Variants in NTM observed in about 807,000 individuals in gnomAD.
The protein encoded by NTM is neurotrimin, also known as IgLON family member 2.
NTM carries 13 observed loss-of-function variants against 42.1 expected under a neutral mutation model. The ratio of observed to expected loss-of-function variants is 0.31; its 90% CI spans 0.20 to 0.49. The LOEUF (loss-of-function observed/expected upper bound fraction) is 0.49. NTM is among the 20% of genes least tolerant of loss of function. The probability of loss-of-function intolerance (pLI) is 0.99; values close to 1 mark genes in which losing one functional copy is unlikely to be tolerated. For missense variants in NTM, 373 were observed against 452.8 expected, an observed-to-expected ratio of 0.82 and a Z score of 1.60; for synonymous variants, 187 against 179.2, an observed-to-expected ratio of 1.04 and a Z score of -0.35.
chr11:131,731,562 G>T (rs1006930834), intron 1 of NTM, among the ~76,000 whole-genome samples: 3 of 152,156 alleles, frequency 2.0e-5, no homozygotes, highest in Non-Finnish European at 2.9e-5. Context: ...GACAATAAAG[G>T]TCATGGCCGG....
chr11:132,320,942 C>T (rs1277414894), intron 7 of NTM, among the ~76,000 whole-genome samples: 1 of 151,180 alleles, frequency 6.6e-6, no homozygotes, highest in East Asian at 1.9e-4. Flanking sequence ...GCAGGGTACT[C>T]CAACAGACCT....
At chr11:132,241,898 G>A (rs1018092383) in intron 4 of NTM, among the ~76,000 whole-genome samples, 6 of 152,186 alleles carry the variant, frequency 3.9e-5, no homozygotes, top group Admixed American at 2.0e-4. Flanking sequence ...CATTTGGGAG[G>A]AAAATGTAAA....
chr11:132,063,681 G>A (rs2081020904), intron 2 of NTM, among the ~76,000 whole-genome samples: 1 of 152,176 alleles, frequency 6.6e-6, no homozygotes, highest in Non-Finnish European at 1.5e-5. Context: ...GGACTGAGGT[G>A]GAATTGCTCT....
intron 1 of NTM, among the ~76,000 whole-genome samples, chr11:131,898,433 T>G (rs1460981953): frequency 6.6e-6 from 1 of 152,240 alleles, no homozygotes; most frequent in Admixed American, 6.5e-5. Context: ...TTTGCTGAGA[T>G]CGAGTGATTA....
chr11:131,612,860 C>T (rs943840398), intron 1 of NTM, among the ~76,000 whole-genome samples: 16 of 152,200 alleles, frequency 1.1e-4, no homozygotes, highest in African/African-American at 2.9e-4. Flanking sequence ...AATCCCTACC[C>T]GGGTCCCTCT....
intron 1 of NTM, among the ~76,000 whole-genome samples, chr11:131,500,567 A>G (rs934982323): frequency 1.1e-4 from 3 of 27,102 alleles, no homozygotes; most frequent in African/African-American, 8.3e-4. Flanking sequence ...ATATATATAT[A>G]TATATATATA....
chr11:131,894,270 G>C (rs2051872315), intron 1 of NTM, among the ~76,000 whole-genome samples: 1 of 152,212 alleles, frequency 6.6e-6, no homozygotes, highest in Admixed American at 6.5e-5. Context: ...ATGTGTTCAG[G>C]CTTGGTCTAT....
intron 1 of NTM, among the ~76,000 whole-genome samples, chr11:131,721,048 A>G (rs2135397617): frequency 6.6e-6 from 1 of 152,232 alleles, no homozygotes; most frequent in African/African-American, 2.4e-5. Flanking sequence ...ATGAAAAACT[A>G]TTGCACATTA....
At chr11:132,153,921 A>G (rs1344957714) in intron 3 of NTM, among the ~76,000 whole-genome samples, 1 of 152,224 alleles carries the variant, frequency 6.6e-6, no homozygotes, top group Middle Eastern at 3.2e-3. Flanking sequence ...TTTACCTGCA[A>G]GATTAGACAA....
At chr11:131,834,039 T>A (rs1352683208) in intron 1 of NTM, among the ~76,000 whole-genome samples, 1 of 152,102 alleles carries the variant, frequency 6.6e-6, no homozygotes, top group East Asian at 1.9e-4. Flanking sequence ...GAGGTGGAGG[T>A]AGGGAGAACA....
intron 2 of NTM, among the ~76,000 whole-genome samples, chr11:132,090,512 T>C (rs1318816179): frequency 2.0e-5 from 3 of 152,168 alleles, no homozygotes; most frequent in Non-Finnish European, 4.4e-5. Context: ...CCCTCTGAAC[T>C]TTGTGATCGT....
chr11:132,168,426 C>A (rs2075617755), intron 3 of NTM, among the ~76,000 whole-genome samples: 1 of 152,092 alleles, frequency 6.6e-6, no homozygotes, highest in South Asian at 2.1e-4. Flanking sequence ...TCTGTGGTAG[C>A]CCTTTAATAA....
chr11:131,777,957 C>T (rs2087349029), intron 1 of NTM, among the ~76,000 whole-genome samples: 1 of 152,160 alleles, frequency 6.6e-6, no homozygotes. Context: ...AATTATGATG[C>T]ATAGATCATT....
intron 7 of NTM, chr11:132,315,184 G>T (rs2095395854): frequency 3.0e-6 from 2 of 666,118 alleles, no homozygotes; most frequent in Non-Finnish European, 3.7e-6. Context: ...TTCAGTCTTT[G>T]CTTACTGGCT....
chr11:131,672,089 T>TTTC (rs2070386146), intron 1 of NTM, among the ~76,000 whole-genome samples: 11 of 152,212 alleles, frequency 7.2e-5, no homozygotes, highest in Admixed American at 7.2e-4. Context: ...AAATTGCCTG[T>TTTC]TTCTGGAGTG....
rs555865933 is a variant in NTM, at chr11:131,780,056, G to A, written c.83-131508G>A. The stretch of plus-strand genomic sequence containing the variant: ...CACAGGAACTTTCATAGGTTTCAGT[G>A]TCTTGAGGCTAGTGAATCTGGATGC... On this transcript the variant is annotated intron_variant, in intron 1 of 8. Transcript: ENST00000683400. Among the ~76,000 whole-genome samples, 6 of 152,328 alleles carry A rather than the reference G, an allele frequency of 3.9e-5. No individual in the cohort carries two copies. In the South Asian group the frequency reaches 1.2e-3, roughly 32 times the overall value.
intron 1 of NTM, chr11:131,605,819 C>T (rs1253698973): frequency 1.0e-6 from 1 of 984,512 alleles, no homozygotes; most frequent in Non-Finnish European, 1.2e-6. Context: ...TGGTAGACAG[C>T]CCTATTTCTA....
At chr11:132,081,564 C>G (rs58892635) in intron 2 of NTM, among the ~76,000 whole-genome samples, 1 of 151,882 alleles carries the variant, frequency 6.6e-6, no homozygotes, top group East Asian at 1.9e-4. Flanking sequence ...AACCCCGTCT[C>G]TACTAAAAAT....
At chr11:131,726,514 T>C (rs1213281651) in intron 1 of NTM, among the ~76,000 whole-genome samples, 1 of 151,096 alleles carries the variant, frequency 6.6e-6, no homozygotes, top group Non-Finnish European at 1.5e-5. Context: ...ACTGAAGGCT[T>C]GTTGGTTCTG....
Sources: allele counts gnomAD v4.1 joint callset (sites outside exome capture counted in the v4.1 genomes callset), GRCh38; gene constraint gnomAD v4.1.1; transcripts MANE v1.5; gene names NCBI Gene and HGNC (gene_info 2026-07-23, HGNC 2026-07-21).